The following DEUP1 variants were observed in gnomAD, a reference collection of about 807,000 sequenced individuals.
DEUP1 encodes deuterosome assembly protein 1.
DEUP1 carries 82 observed loss-of-function variants against 87.4 expected under a neutral mutation model. The observed-to-expected ratio is 0.94, with a 90% CI of 0.78 to 1.13. The LOEUF is 1.13. Ranked by LOEUF, DEUP1 falls within the 50% of genes most tolerant of loss-of-function variation. The pLI is 0.00. For synonymous variants in DEUP1, 214 were observed against 222.7 expected (o/e 0.96, Z 0.35); for missense variants, 663 against 681.5 (o/e 0.97, Z 0.30).
At chr11:93,379,282 T>C (rs977255) in intron 7 of DEUP1, among the ~76,000 whole-genome samples, 36,845 of 152,032 alleles carry the variant, frequency 0.24, 4,794 homozygotes, top group South Asian at 0.38. Context: ...CTGTACCTCT[T>C]TCTTGGCAGT....
chr11:93,399,923 T>C (rs1947064780), intron 11 of DEUP1, among the ~76,000 whole-genome samples: 1 of 152,102 alleles, frequency 6.6e-6, no homozygotes, highest in Non-Finnish European at 1.5e-5. Flanking sequence ...TGATGTGGTT[T>C]TAGAGTTTTC....
intron 11 of DEUP1, among the ~76,000 whole-genome samples, chr11:93,403,916 T>A (rs1454063612): frequency 6.6e-6 from 1 of 152,088 alleles, no homozygotes. Flanking sequence ...GATATTTACA[T>A]CATTATTTTT....
intron 13 of DEUP1, among the ~76,000 whole-genome samples, chr11:93,419,749 A>T (rs1026497553): frequency 6.6e-6 from 1 of 152,208 alleles, no homozygotes; most frequent in African/African-American, 2.4e-5. Flanking sequence ...GTTTATGTCA[A>T]CAGTTGGACT....
intron 7 of DEUP1, among the ~76,000 whole-genome samples, chr11:93,380,803 T>A (rs949572234): frequency 6.6e-6 from 1 of 152,162 alleles, no homozygotes; most frequent in African/African-American, 2.4e-5. Flanking sequence ...TTAAAAAAAA[T>A]TAGTTATCCT....
At chr11:93,384,459 T>C (rs2134319372) in intron 7 of DEUP1, among the ~76,000 whole-genome samples, 1 of 152,332 alleles carries the variant, frequency 6.6e-6, no homozygotes, top group Non-Finnish European at 1.5e-5. Context: ...TTGAGGGTCA[T>C]CCTATCCACC....
At chr11:93,342,268 G>C (rs925487293) in intron 2 of DEUP1, among the ~76,000 whole-genome samples, 1 of 152,144 alleles carries the variant, frequency 6.6e-6, no homozygotes, top group African/African-American at 2.4e-5. Context: ...TGACGGGGAA[G>C]CTCTGGAACC....
At chr11:93,385,173 C>G (rs762615289) in intron 7 of DEUP1, among the ~76,000 whole-genome samples, 8 of 152,092 alleles carry the variant, frequency 5.3e-5, no homozygotes, top group Non-Finnish European at 8.8e-5. Context: ...GAGCCAAGAT[C>G]GTGCCACTGC....
intron 2 of DEUP1, among the ~76,000 whole-genome samples, chr11:93,349,911 G>C (rs544298843): frequency 7.9e-5 from 12 of 152,276 alleles, no homozygotes; most frequent in Admixed American, 2.6e-4. Context: ...GAGTGGGAAA[G>C]CTTTAAGGTA....
Position 93,430,756 on chromosome 11 carries a change from C to G in DEUP1, c.1639-6787C>G, listed in dbSNP as rs1329401520. On this transcript the variant is annotated intron_variant, in intron 13 of 13. Coordinates refer to ENST00000298050, the MANE Select transcript of DEUP1 (RefSeq NM_181645.4). ...TTGTATGTGAATTTTATCTCAAAAA[C>G]AAACAAGAGGAGAAAAATTAATGAT... Among the ~76,000 whole-genome samples, 3 of 152,148 alleles carry G rather than the reference C, an allele frequency of 2.0e-5. No individual in the cohort carries two copies. In the East Asian group the frequency reaches 5.8e-4, roughly 29 times the overall value.
At chr11:93,415,540 A>G (rs1448647070) in intron 13 of DEUP1, among the ~76,000 whole-genome samples, 3 of 151,994 alleles carry the variant, frequency 2.0e-5, no homozygotes, top group Non-Finnish European at 2.9e-5. Flanking sequence ...GGACAGCTTG[A>G]TGAGTTATCA....
chr11:93,356,097 C>A (rs1944882036), intron 3 of DEUP1, among the ~76,000 whole-genome samples: 1 of 152,160 alleles, frequency 6.6e-6, no homozygotes, highest in Non-Finnish European at 1.5e-5. Flanking sequence ...TGCTCTCAGG[C>A]CTGCGAAGGC....
intron 11 of DEUP1, among the ~76,000 whole-genome samples, chr11:93,403,098 A>G (rs893840981): frequency 7.2e-5 from 11 of 152,014 alleles, no homozygotes; most frequent in Admixed American, 3.3e-4. Flanking sequence ...TAAATGTACT[A>G]ATTTATCCTA....
chr11:93,415,879 C>A (rs1246965840), intron 13 of DEUP1, among the ~76,000 whole-genome samples: 1 of 149,044 alleles, frequency 6.7e-6, no homozygotes, highest in African/African-American at 2.6e-5. Context: ...CAATAAAATT[C>A]ATTCATTCAT....
At chr11:93,393,221 GACTA>G (rs1028166659) in intron 9 of DEUP1, among the ~76,000 whole-genome samples, 4 of 150,220 alleles carry the variant, frequency 2.7e-5, no homozygotes, top group East Asian at 2.0e-4. Context: ...CCTTCCACCC[GACTA>G]ACTGAGACTG....
intron 2 of DEUP1, among the ~76,000 whole-genome samples, chr11:93,352,766 A>T (rs1024876850): frequency 1.3e-5 from 2 of 152,058 alleles, no homozygotes; most frequent in African/African-American, 4.8e-5. Flanking sequence ...CCCCTGATAA[A>T]CCCATCAGAT....
At chr11:93,394,386 A>G (rs1193437332) in intron 9 of DEUP1, 73 bp from the exon 10 acceptor site, 6 of 1,123,652 alleles carry the variant, frequency 5.3e-6, no homozygotes, top group Admixed American at 3.0e-5. Context: ...AGGACTGAAC[A>G]TGGCCAGTAA....
At chr11:93,402,239 C>G (rs1208865058) in intron 11 of DEUP1, among the ~76,000 whole-genome samples, 2 of 151,830 alleles carry the variant, frequency 1.3e-5, no homozygotes, top group Non-Finnish European at 2.9e-5. Flanking sequence ...AGATGGCCAA[C>G]AGGTATATGA....
intron 7 of DEUP1, 80 bp from the exon 8 acceptor site, chr11:93,385,318 T>C: frequency 7.6e-7 from 1 of 1,322,722 alleles, no homozygotes; most frequent in Non-Finnish European, 1.1e-6. Flanking sequence ...GGCTGGTTTA[T>C]AGATGTTAAA....
intron 7 of DEUP1, among the ~76,000 whole-genome samples, chr11:93,373,688 G>T (rs1276976219): frequency 1.4e-5 from 2 of 145,306 alleles, no homozygotes; most frequent in African/African-American, 5.1e-5. Flanking sequence ...TCCACTCATT[G>T]ATTGATAGGC....
Sources: gnomAD v4.1 joint callset for allele counts (sites outside exome capture counted in the v4.1 genomes callset) on GRCh38, gnomAD v4.1.1 for gene constraint, MANE v1.5 for transcripts, NCBI Gene and HGNC (gene_info 2026-07-23, HGNC 2026-07-21) for gene names.